RBM4: variants seen among roughly 807,000 people sequenced by gnomAD.
RBM4 encodes the protein RNA-binding protein 4.
Under a neutral mutation model 29.5 loss-of-function variants are expected in RBM4, and 7 were observed. That is an observed-to-expected ratio of 0.24 (90% CI 0.14 to 0.45). The LOEUF is 0.45. Among genes scored for constraint, RBM4 ranks in the 20% least tolerant of loss-of-function variants. RBM4 has a pLI of 1.00. For missense variants in RBM4, 387 were observed against 502.3 expected (o/e 0.77, Z 2.19); for synonymous variants, 220 against 205.4 (o/e 1.07, Z -0.61).
intron 3 of RBM4, 183 bp downstream of exon 3, chr11:66,644,323 C>T: frequency 1.2e-6 from 1 of 819,074 alleles, no homozygotes; most frequent in Non-Finnish European, 1.8e-6. Context: ...AGTTCCTTGG[C>T]CCTCATGGCT....
chr11:66,643,333 G>A lies in RBM4; in HGVS notation c.413-117G>A. ...TTTTTCCTTTTTATCTTTTCCTAAA[G>A]ATGAGTCCTGCATTAGAATTGTCTA... On this transcript the variant is annotated intron_variant, in intron 2 of 3. Transcript: ENST00000310092. This position sits in a 1 kb window ranked among gnomAD's most constrained non-coding sequence, Gnocchi z 6.1. The A allele has an allele frequency of 5.1e-6, 6 of 1,179,798 alleles. No individual in the cohort carries two copies. Among genetic ancestry groups the A allele is most frequent in the East Asian group, 2.5e-5 (1 of 39,370 alleles). The allele number at this position is 1,179,798 out of a possible 1,614,324, so 73.1% of individuals were successfully genotyped here.
chr11:66,645,942 C>T, intron 3 of RBM4, 85 bp from the exon 4 acceptor site: 5 of 1,533,958 alleles, frequency 3.3e-6, no homozygotes, highest in Non-Finnish European at 4.4e-6. Context: ...GTCAAGTTAT[C>T]AGACTTTGTA....
intron 2 of RBM4, among the ~76,000 whole-genome samples, chr11:66,653,410 G>A (rs1938874396): frequency 7.1e-6 from 1 of 141,542 alleles, no homozygotes; most frequent in Non-Finnish European, 1.5e-5. Context: ...CACCCAGGCT[G>A]GAGTGCAGTG....
intron 2 of RBM4, among the ~76,000 whole-genome samples, chr11:66,657,616 G>A (rs1590872774): frequency 6.7e-6 from 1 of 149,756 alleles, no homozygotes; most frequent in East Asian, 2.0e-4. Flanking sequence ...CCGGGAGGTG[G>A]AGGGTGCAGT....
rs145494100 is a variant in RBM4, at chr11:66,661,369, C to G, written c.413-4487C>G. Among the ~76,000 whole-genome samples the G allele has an allele frequency of 5.9e-5, 9 of 152,208 alleles. No individual in the cohort carries two copies. The East Asian group carries it at 1.7e-3, about 29-fold the overall frequency. ...GCAAAATCCTGACAAGCTATGAAAC[C>G]AATCTGGGGCAAGTTGCTTCCCTTT... On this transcript the variant is annotated intron_variant, in intron 2 of 2. Transcript: ENST00000396053.
exon 3 of RBM4, chr11:66,666,470 A>G: frequency 2.0e-6 from 2 of 986,330 alleles, no homozygotes; most frequent in Non-Finnish European, 2.4e-6. Context: ...ACTCAGGGTT[A>G]TTCAGTCCAT....
At chr11:66,665,457 G>A in intron 2 of RBM4, 1 of 768,806 alleles carries the variant, frequency 1.3e-6, no homozygotes, top group African/African-American at 1.7e-5. Flanking sequence ...AACATAGTTG[G>A]TCACAAACTC....
chr11:66,649,984 G>A (rs1269723108), downstream of RBM4: 16 of 520,094 alleles, frequency 3.1e-5, no homozygotes, highest in Admixed American at 1.2e-4. Context: ...TTTGTATTTC[G>A]CTAGGTACTC....
chr11:66,644,928 T>C (rs1055716296), intron 3 of RBM4, among the ~76,000 whole-genome samples: 16 of 140,210 alleles, frequency 1.1e-4, no homozygotes, highest in Admixed American at 4.2e-4. Flanking sequence ...TTACTTAGGG[T>C]TTTTTTTTTT....
At chr11:66,644,322 GC>G in intron 3 of RBM4, 182 bp downstream of exon 3, 1 of 822,420 alleles carries the variant, frequency 1.2e-6, no homozygotes, top group Admixed American at 3.4e-5. Context: ...GAGTTCCTTG[GC>G]CCTCATGGCT....
chr11:66,652,109 GA>G (rs374211912), intron 2 of RBM4, among the ~76,000 whole-genome samples: 118 of 149,802 alleles, frequency 7.9e-4, no homozygotes, highest in East Asian at 7.8e-4. Context: ...TCATAGAAAT[GA>G]AAAAATTTTT....
downstream of RBM4, among the ~76,000 whole-genome samples, chr11:66,650,857 C>T (rs373148007): frequency 8.5e-5 from 13 of 152,052 alleles, no homozygotes; most frequent in East Asian, 1.2e-3. Flanking sequence ...AGCTAGACTC[C>T]GTCTCAAAAT....
At chr11:66,646,600 A>G, downstream of RBM4, 1 of 970,952 alleles carries the variant, frequency 1.0e-6, no homozygotes, top group Non-Finnish European at 1.2e-6. Flanking sequence ...TGTTTATTGT[A>G]AGTAGGACTT....
rs748699301 is a variant in RBM4, at chr11:66,643,837, C to A, written c.800C>A (p.Thr267Asn). 42 of 1,614,006 alleles carry A rather than the reference C, an allele frequency of 2.6e-5. No individual in the cohort carries two copies. The highest frequency in any genetic ancestry group is 3.5e-5 in the Non-Finnish European group (41 of 1,179,994). The change falls in exon 3 of 4, where the codon ACC (threonine) becomes AAC (asparagine). Residue 267 changes from threonine (T) to asparagine (N), a missense_variant. Thr to Asn is a moderately conservative substitution (Grantham distance 65). Around this residue, in one of 2 missense-constraint regions of RBM4, gnomAD observed 281 missense variants for 288.7 expected, o/e 0.97. Transcript: ENST00000310092. The surrounding 1 kb of genome is among the most constrained non-coding windows in gnomAD (Gnocchi z 6.1). ...NTAMASHLTS[T>N]SLDPYDRHLL... ...GCCATGGCCAGTCACCTCACCTCCA[C>A]CTCTCTCGATCCCTACGATAGACAC...
Position 66,665,674 on chromosome 11 carries a change from G to A in RBM4, c.413-182G>A, listed in dbSNP as rs562785272. On this transcript the variant is annotated intron_variant, in intron 2 of 2. Transcript: ENST00000396053. ...CTGGGTCCTGTCCTGTATTCCGGGG[G>A]GAAAAAAAAGAACAAAACAAAACCA... 8 of 1,510,334 alleles carry A rather than the reference G, an allele frequency of 5.3e-6. No homozygotes were observed. In the South Asian group the frequency reaches 1.0e-4, roughly 19 times the overall value. 93.6% of individuals were successfully genotyped at this position (1,510,334 alleles called of 1,614,324 possible).
At chr11:66,649,343 C>A (rs139790352), downstream of RBM4, among the ~76,000 whole-genome samples, 1 of 152,302 alleles carries the variant, frequency 6.6e-6, no homozygotes, top group East Asian at 1.9e-4. Context: ...CTATCAAGAA[C>A]AATGGCAGCC....
rs528793398 is a variant in RBM4, at chr11:66,640,056, C to T, written c.345C>T (p.Phe115=). The change falls in exon 2 of 4, where the codon TTC becomes TTT. Residue 115 remains phenylalanine, a synonymous_variant. Coordinates refer to ENST00000310092, the MANE Select transcript of RBM4 (RefSeq NM_002896.4). ...GTGACATCGTGAAAGATTATGCCTT[C>T]GTACACATGGAGCGGGCAGAGGATG... ...IECDIVKDYA[F]VHMERAEDAV... is the part of the protein sequence containing the mutation. 10 of 1,614,156 alleles carry T rather than the reference C, an allele frequency of 6.2e-6. No individual in the cohort carries two copies. The African/African-American group carries it at 8.0e-5, about 13-fold the overall frequency.
downstream of RBM4, among the ~76,000 whole-genome samples, chr11:66,651,249 G>A (rs925800158): frequency 4.6e-5 from 7 of 152,136 alleles, no homozygotes; most frequent in Admixed American, 1.3e-4. Context: ...TCATTCTGAG[G>A]TAAAGGAAAT....
At chr11:66,664,090 C>A (rs1257978116) in intron 2 of RBM4, among the ~76,000 whole-genome samples, 1 of 151,892 alleles carries the variant, frequency 6.6e-6, no homozygotes, top group African/African-American at 2.4e-5. Context: ...TCACTGCAGC[C>A]TCAACCTCCT....
Sources: gnomAD v4.1 joint callset for allele counts (sites outside exome capture counted in the v4.1 genomes callset) on GRCh38, gnomAD v4.1.1 for gene constraint, gnomAD v4.1.1 regional missense constraint, Gnocchi (gnomAD v3.1) non-coding constraint, MANE v1.5 for transcripts, NCBI Gene and HGNC (gene_info 2026-07-23, HGNC 2026-07-21) for gene names.